Variants in SHANK2 observed in about 807,000 individuals in gnomAD.
SHANK2 encodes SH3 and multiple ankyrin repeat domains 2.
A neutral mutation model predicts 133.7 loss-of-function variants in SHANK2; 43 were observed. The observed-to-expected ratio is 0.32, with a 90% CI of 0.25 to 0.41. The LOEUF is 0.41. SHANK2 is among the 10% of genes least tolerant of loss of function. The probability of loss-of-function intolerance (pLI) is 1.00; values close to 1 mark genes in which losing one functional copy is unlikely to be tolerated. For missense variants in SHANK2, 1,994 were observed against 2,235.8 expected, an observed-to-expected ratio of 0.89 and a Z score of 2.18; for synonymous variants, 1,017 against 952.8, an observed-to-expected ratio of 1.07 and a Z score of -1.24.
chr11:70,609,741 A>T (rs1444768091), intron 17 of SHANK2, among the ~76,000 whole-genome samples: 5 of 150,674 alleles, frequency 3.3e-5, no homozygotes, highest in Non-Finnish European at 7.4e-5. Flanking sequence ...TACATGTACT[A>T]TATTGCATAT....
At chr11:71,241,127 C>G (rs1363858772) in intron 1 of SHANK2, among the ~76,000 whole-genome samples, 5 of 152,156 alleles carry the variant, frequency 3.3e-5, no homozygotes, top group Admixed American at 3.3e-4. Context: ...CGGTGAAAGC[C>G]CCGGGCTAGG....
At chr11:70,574,152 G>A (rs549822044) in intron 17 of SHANK2, among the ~76,000 whole-genome samples, 6 of 152,336 alleles carry the variant, frequency 3.9e-5, no homozygotes, top group East Asian at 1.9e-4. Context: ...CACTCATGGC[G>A]GCCCCTGCCC....
intron 2 of SHANK2, among the ~76,000 whole-genome samples, chr11:71,158,372 A>G (rs1369918514): frequency 6.6e-6 from 1 of 152,202 alleles, no homozygotes; most frequent in East Asian, 1.9e-4. Flanking sequence ...AACAATAACC[A>G]AAGTCAACTA....
At chr11:70,943,990 A>G (rs1254678440) in intron 10 of SHANK2, 1 of 456,570 alleles carries the variant, frequency 2.2e-6, no homozygotes, top group South Asian at 1.5e-5. Flanking sequence ...TTTATCACAC[A>G]GCCCAAGACA....
intron 15 of SHANK2, among the ~76,000 whole-genome samples, chr11:70,693,465 G>A (rs1413055381): frequency 6.6e-6 from 1 of 152,116 alleles, no homozygotes; most frequent in South Asian, 2.1e-4. Context: ...CAACTCAAAA[G>A]TCACTTCTTC....
chr11:71,191,468 C>T (rs1953791664), intron 2 of SHANK2, among the ~76,000 whole-genome samples: 1 of 152,088 alleles, frequency 6.6e-6, no homozygotes, highest in African/African-American at 2.4e-5. Context: ...ACTGTGTCCT[C>T]ACAGGGTCAT....
intron 1 of SHANK2, among the ~76,000 whole-genome samples, chr11:71,247,980 A>G (rs1555125261): frequency 6.6e-6 from 1 of 152,076 alleles, no homozygotes; most frequent in African/African-American, 2.4e-5. Context: ...ACAGGCTTTT[A>G]AGAACTTAAT....
Position 70,487,775 on chromosome 11 carries a change from TC to T in SHANK2, c.2573-56del, listed in dbSNP as rs1485861254. 5 of 1,549,912 alleles carry T rather than the reference TC, an allele frequency of 3.2e-6. No individual in the cohort carries two copies. The African/African-American group carries it at 6.8e-5, about 21-fold the overall frequency. On this transcript the variant is annotated intron_variant, in intron 24 of 25. Transcript: ENST00000601538. This position sits in a 1 kb window ranked among gnomAD's most constrained non-coding sequence, Gnocchi z 5.8. ...GTCACAATAGCAACAAAGCCTAAGTTCCTAGGAACGTGCGATACGCTACATC... is the reference window on the plus strand; with the variant it reads ...GTCACAATAGCAACAAAGCCTAAGTTCTAGGAACGTGCGATACGCTACATC...
Position 70,769,093 on chromosome 11 carries a change from C to T in SHANK2, c.1777+29350G>A, listed in dbSNP as rs1947188796. On this transcript the variant is annotated intron_variant, in intron 14 of 25. Coordinates refer to ENST00000601538, the MANE Select transcript of SHANK2 (RefSeq NM_012309.5). ...CGCTGAGAGGCTTTATTCCCTGGAA[C>T]GCAGGGCCTGGCATCCTACTTGTTC... is the stretch of plus-strand genomic sequence containing the variant. 5.3e-5 allele frequency among the ~76,000 whole-genome samples: 8 copies of T among 152,266 alleles called. 1 individual carries two copies. The South Asian group carries it at 6.2e-4, about 12-fold the overall frequency.
rs539795981 is a variant in SHANK2, at chr11:70,796,110, T to C, written c.1777+2333A>G. Among the ~76,000 whole-genome samples the C allele has an allele frequency of 2.0e-5, 3 of 152,318 alleles. No individual in the cohort carries two copies. The East Asian group carries it at 5.8e-4, about 29-fold the overall frequency. ...CTGCCTGCACAGGATGTACATTTTC[T>C]GGCAGACTCCACCTCGCCCACCTGC... On this transcript the variant is annotated intron_variant, in intron 14 of 25. Coordinates refer to ENST00000601538, the MANE Select transcript of SHANK2 (RefSeq NM_012309.5).
intron 14 of SHANK2, among the ~76,000 whole-genome samples, chr11:70,771,647 G>C (rs1016810030): frequency 2.6e-5 from 4 of 152,126 alleles, no homozygotes; most frequent in Admixed American, 1.3e-4. Context: ...GGAGGGGCGT[G>C]GAGCCGCGCT....
intron 10 of SHANK2, chr11:70,943,149 C>A: frequency 4.4e-6 from 2 of 451,728 alleles, no homozygotes; most frequent in Middle Eastern, 3.9e-4. Flanking sequence ...TCTCACCTGG[C>A]TGGAGAGACA....
intron 17 of SHANK2, among the ~76,000 whole-genome samples, chr11:70,638,667 T>C (rs2061137939): frequency 6.6e-6 from 1 of 152,138 alleles, no homozygotes; most frequent in Non-Finnish European, 1.5e-5. Context: ...ACAAATATAA[T>C]AGAAAGATTT....
chr11:70,788,481 C>G (rs911699870), intron 14 of SHANK2, among the ~76,000 whole-genome samples: 4 of 152,158 alleles, frequency 2.6e-5, no homozygotes, highest in African/African-American at 9.7e-5. Context: ...ATCCCTTTGT[C>G]CAGCGCACTC....
intron 16 of SHANK2, 76 bp from the exon 17 acceptor site, chr11:70,660,028 G>T (rs1555012858): frequency 6.3e-7 from 1 of 1,594,250 alleles, no homozygotes; most frequent in Non-Finnish European, 8.6e-7. Context: ...CTCCCCACAG[G>T]ACCCCGGGAG....
intron 2 of SHANK2, among the ~76,000 whole-genome samples, chr11:71,179,847 A>C (rs1555113541): frequency 6.6e-6 from 1 of 152,256 alleles, no homozygotes; most frequent in African/African-American, 2.4e-5. Flanking sequence ...ACAGAAAATA[A>C]GACATGCTTA....
At chr11:70,939,203 C>T (rs1047687125) in intron 10 of SHANK2, among the ~76,000 whole-genome samples, 53 of 152,294 alleles carry the variant, frequency 3.5e-4, no homozygotes, top group African/African-American at 1.1e-3. Context: ...CGTGCACTTA[C>T]GTTTAAAAAG....
chr11:70,661,549 A>G (rs2061490461), intron 16 of SHANK2, 47 bp downstream of exon 16: 1 of 1,365,514 alleles, frequency 7.3e-7, no homozygotes, highest in Non-Finnish European at 1.0e-6. Context: ...ACACACACAC[A>G]CACACAAACA....
intron 17 of SHANK2, among the ~76,000 whole-genome samples, chr11:70,607,924 C>A (rs782761559): frequency 4.6e-5 from 7 of 152,208 alleles, no homozygotes; most frequent in Non-Finnish European, 1.0e-4. Flanking sequence ...GTTCCAGCTC[C>A]ATCCTTGCGT....
Sources: gnomAD v4.1 joint callset for allele counts (sites outside exome capture counted in the v4.1 genomes callset) on GRCh38, gnomAD v4.1.1 for gene constraint, Gnocchi (gnomAD v3.1) non-coding constraint, MANE v1.5 for transcripts, NCBI Gene and HGNC (gene_info 2026-07-23, HGNC 2026-07-21) for gene names.